Variants in CADM2 observed in about 807,000 individuals in gnomAD.
CADM2 encodes the protein cell adhesion molecule 2.
Under a neutral mutation model 49.8 loss-of-function variants are expected in CADM2, and 12 were observed. The ratio of observed to expected loss-of-function variants is 0.24; its 90% confidence interval spans 0.15 to 0.39. The LOEUF (loss-of-function observed/expected upper bound fraction) is 0.39. Ranked by LOEUF, CADM2 falls within the 10% of genes least tolerant of loss-of-function variation. The pLI is 1.00. For missense variants in CADM2, 378 were observed against 492.3 expected (o/e 0.77, Z 2.20); for synonymous variants, 214 against 175.4 (o/e 1.22, Z -1.74).
At chr3:85,388,602 C>A (rs752290452) in intron 1 of CADM2, among the ~76,000 whole-genome samples, 5 of 151,850 alleles carry the variant, frequency 3.3e-5, no homozygotes, top group African/African-American at 1.2e-4. Flanking sequence ...TTTCACAAAA[C>A]CAAGGGAAGC....
intron 1 of CADM2, among the ~76,000 whole-genome samples, chr3:85,239,314 G>T (rs185082157): frequency 4.7e-4 from 71 of 151,864 alleles, no homozygotes; most frequent in African/African-American, 1.7e-3. Context: ...ATGGCAGACT[G>T]TGTGAAAAAC....
chr3:85,551,475 T>G (rs2061801149), intron 1 of CADM2, among the ~76,000 whole-genome samples: 1 of 152,122 alleles, frequency 6.6e-6, no homozygotes, highest in South Asian at 2.1e-4. Flanking sequence ...TAGCCTTTGA[T>G]CATATGGTGA....
chr3:85,545,735 T>C (rs1424818655), intron 1 of CADM2, among the ~76,000 whole-genome samples: 3 of 152,180 alleles, frequency 2.0e-5, no homozygotes, highest in Non-Finnish European at 2.9e-5. Context: ...AGTTGTGGTT[T>C]AGGAGCAGTA....
At chr3:85,505,278 TTG>T (rs1298578000) in intron 1 of CADM2, among the ~76,000 whole-genome samples, 1 of 152,254 alleles carries the variant, frequency 6.6e-6, no homozygotes, top group African/African-American at 2.4e-5. Context: ...TTTATGTAAC[TTG>T]TGTTTCAGTT....
At chr3:85,536,183 A>T (rs1042494728) in intron 1 of CADM2, among the ~76,000 whole-genome samples, 3 of 152,000 alleles carry the variant, frequency 2.0e-5, no homozygotes, top group Admixed American at 6.6e-5. Context: ...AAAGACTATT[A>T]AAATATAAGA....
intron 1 of CADM2, among the ~76,000 whole-genome samples, chr3:85,412,958 G>A (rs907169078): frequency 2.0e-5 from 3 of 151,092 alleles, no homozygotes; most frequent in Non-Finnish European, 4.4e-5. Flanking sequence ...TGGCTAACAC[G>A]GAGAAACCCT....
At chr3:85,321,116 A>ATATATATATTTTTTT (rs2044596196) in intron 1 of CADM2, among the ~76,000 whole-genome samples, 1 of 27,502 alleles carries the variant, frequency 3.6e-5, no homozygotes, top group Non-Finnish European at 6.5e-5. Context: ...ATATATATAT[A>ATATATATATTTTTTT]TTTTTTTTTT....
At chr3:85,362,407 T>A (rs1341605038) in intron 1 of CADM2, among the ~76,000 whole-genome samples, 1 of 152,172 alleles carries the variant, frequency 6.6e-6, no homozygotes, top group Non-Finnish European at 1.5e-5. Flanking sequence ...GTATCTGCAT[T>A]TCCCCACACC....
chr3:85,808,445 GA>G (rs965337948), intron 3 of CADM2, among the ~76,000 whole-genome samples: 93 of 151,210 alleles, frequency 6.2e-4, no homozygotes, highest in Admixed American at 9.2e-4. Context: ...ATTGGCAATG[GA>G]AAAAAAAATC....
chr3:85,213,680 C>T (rs780306620), intron 1 of CADM2, among the ~76,000 whole-genome samples: 5 of 152,100 alleles, frequency 3.3e-5, no homozygotes, highest in Non-Finnish European at 7.3e-5. Flanking sequence ...ATCCCTTCAC[C>T]TCCTGTTAAG....
chr3:85,426,427 C>T (rs922502928), intron 1 of CADM2, among the ~76,000 whole-genome samples: 6 of 152,048 alleles, frequency 3.9e-5, no homozygotes, highest in Admixed American at 3.9e-4. Flanking sequence ...GCACTGAGCC[C>T]AGGCTTTATA....
At chr3:85,838,838 G>C (rs1161276020) in intron 3 of CADM2, among the ~76,000 whole-genome samples, 1 of 151,714 alleles carries the variant, frequency 6.6e-6, no homozygotes, top group Non-Finnish European at 1.5e-5. Flanking sequence ...AAATGACTTG[G>C]ATGATTCAAA....
intron 1 of CADM2, among the ~76,000 whole-genome samples, chr3:84,973,978 A>C (rs1444578166): frequency 6.6e-6 from 1 of 152,194 alleles, no homozygotes; most frequent in Non-Finnish European, 1.5e-5. Flanking sequence ...TAAGAAGTTT[A>C]AAAATAAAAT....
chr3:85,429,276 T>C (rs143833271), intron 1 of CADM2, among the ~76,000 whole-genome samples: 128 of 152,184 alleles, frequency 8.4e-4, no homozygotes, highest in African/African-American at 3.1e-3. Flanking sequence ...TAGTATTTTA[T>C]ATGATGCAAC....
At chr3:85,426,875 G>T (rs2036430812) in intron 1 of CADM2, among the ~76,000 whole-genome samples, 1 of 151,812 alleles carries the variant, frequency 6.6e-6, no homozygotes, top group African/African-American at 2.4e-5. Context: ...GTGATAATTT[G>T]ATATTATATA....
At chr3:85,482,170 T>C (rs1043364184) in intron 1 of CADM2, among the ~76,000 whole-genome samples, 19 of 151,800 alleles carry the variant, frequency 1.3e-4, no homozygotes, top group African/African-American at 4.3e-4. Flanking sequence ...ATTTACTGAA[T>C]CTGTAGCTTG....
chr3:85,798,524 G>A (rs529248361), intron 2 of CADM2, among the ~76,000 whole-genome samples: 8 of 152,228 alleles, frequency 5.3e-5, no homozygotes, highest in Admixed American at 1.3e-4. Flanking sequence ...ATTAAATAGG[G>A]AATCCTTTCC....
chr3:84,993,356 T>A (rs1171500929), intron 1 of CADM2, among the ~76,000 whole-genome samples: 1 of 152,108 alleles, frequency 6.6e-6, no homozygotes, highest in Non-Finnish European at 1.5e-5. Flanking sequence ...CCTTAATGAC[T>A]AAAGCAATAC....
At chr3:85,404,116 A>G (rs1354735750) in intron 1 of CADM2, among the ~76,000 whole-genome samples, 1 of 152,170 alleles carries the variant, frequency 6.6e-6, no homozygotes, top group Non-Finnish European at 1.5e-5. Context: ...TCATTGTGTT[A>G]GTTTTAAATT....
Sources: allele counts gnomAD v4.1 joint callset (sites outside exome capture counted in the v4.1 genomes callset), GRCh38; gene constraint gnomAD v4.1.1; transcripts MANE v1.5; gene names NCBI Gene and HGNC (gene_info 2026-07-23, HGNC 2026-07-21).